Variants in TGFB1 observed in about 807,000 individuals in gnomAD.
TGFB1 encodes the protein transforming growth factor beta 1.
Under a neutral mutation model 43.8 loss-of-function variants are expected in TGFB1, and 19 were observed. That is an observed-to-expected ratio of 0.43 (90% CI 0.30 to 0.64). The LOEUF (loss-of-function observed/expected upper bound fraction) is 0.64. Ranked by LOEUF, TGFB1 falls within the 30% of genes least tolerant of loss-of-function variation. The probability of loss-of-function intolerance (pLI) is 0.11; values close to 1 mark genes in which losing one functional copy is unlikely to be tolerated. For synonymous variants in TGFB1, 221 were observed against 236.3 expected (o/e 0.94, Z 0.60); for missense variants, 445 against 529.8 (o/e 0.84, Z 1.57).
In TGFB1 at chr19:41,353,295, T is replaced by C; in HGVS notation, c.-251A>G. 1 of 485,344 alleles carries C rather than the reference T, an allele frequency of 2.1e-6. No individual in the cohort carries two copies. Among genetic ancestry groups the C allele is most frequent in the Admixed American group, 3.9e-5 (1 of 25,796 alleles). The allele number at this position is 485,344 out of a possible 1,614,324, so 30.1% of individuals were successfully genotyped here. ...AAGGTGGGTGGTCTTGAATAGGGGA[T>C]CTGTGGCAGGTCGGAGAGAGATCCG... On this transcript the variant is annotated 5_prime_UTR_variant, in exon 1 of 7. Coordinates refer to ENST00000221930, the MANE Select transcript of TGFB1 (RefSeq NM_000660.7). This position sits in a 1 kb window ranked among gnomAD's most constrained non-coding sequence, Gnocchi z 5.9.
At chr19:41,341,543 G>A (rs897743122) in intron 5 of TGFB1, among the ~76,000 whole-genome samples, 2 of 143,598 alleles carry the variant, frequency 1.4e-5, no homozygotes, top group African/African-American at 5.1e-5. Flanking sequence ...TGTTTTTTGT[G>A]GCTGGGATTA....
chr19:41,332,818 A>G (rs1034428044), intron 5 of TGFB1, among the ~76,000 whole-genome samples: 4 of 152,232 alleles, frequency 2.6e-5, no homozygotes, highest in Non-Finnish European at 5.9e-5. Flanking sequence ...GCAGTGAACT[A>G]TGATAACACC....
chr19:41,339,800 G>A (rs966153510), intron 5 of TGFB1, among the ~76,000 whole-genome samples: 5 of 152,128 alleles, frequency 3.3e-5, no homozygotes, highest in Non-Finnish European at 7.3e-5. Context: ...CTCCAGCCTG[G>A]GCAACAGAGC....
At chr19:41,342,576 G>A (rs1404329800) in intron 3 of TGFB1, among the ~76,000 whole-genome samples, 5 of 149,584 alleles carry the variant, frequency 3.3e-5, no homozygotes, top group African/African-American at 4.9e-5. Flanking sequence ...GTTCAGTGGC[G>A]TGATATCAGC....
rs576929846 is a variant in TGFB1 at position 41,343,072 on chromosome 19, C to T, written c.635-825G>A. Among the ~76,000 whole-genome samples the T allele has an allele frequency of 1.6e-4, 24 of 152,108 alleles. No individual in the cohort carries two copies. The South Asian group carries it at 4.6e-3, about 29-fold the overall frequency. On this transcript the variant is annotated intron_variant, in intron 3 of 6. Transcript: ENST00000221930. The stretch of plus-strand genomic sequence containing the variant: ...AGATGAGCTCCTTCTAGGCCTTTGT[C>T]GAACAGCCCAGGACACTCCTCCCAG...
At position 41,348,334 on chromosome 19, in the gene TGFB1, C is replaced by A. The variant is rs1173345956; in HGVS notation, c.477G>T (p.Arg159Ser). The A allele has an allele frequency of 6.2e-7, 1 of 1,613,416 alleles. No homozygotes were observed. The highest frequency in any genetic ancestry group is 8.5e-7 in the Non-Finnish European group (1 of 1,179,794). Reference sequence around the variant, plus strand: ...CGTGCTGCTCCACTTTTAACTTGAGCCTCAGCAGACGCAGCTCTGCCCGGG... The same window carrying A: ...CGTGCTGCTCCACTTTTAACTTGAGACTCAGCAGACGCAGCTCTGCCCGGG... ...LLSRAELRLL[R>S]LKLKVEQHVE... Residue 159 changes from arginine to serine, a missense_variant, in exon 2 of 7, where the codon AGG (arginine) becomes AGT (serine). Physicochemically the swap from Arg to Ser is moderately radical, Grantham distance 110. Around this residue, in one of 3 missense-constraint regions of TGFB1, gnomAD observed 366 missense variants for 428.8 expected, o/e 0.85. Transcript: ENST00000221930.
intron 5 of TGFB1, among the ~76,000 whole-genome samples, chr19:41,337,237 G>A (rs950892645): frequency 6.6e-6 from 1 of 152,154 alleles, no homozygotes; most frequent in African/African-American, 2.4e-5. Context: ...CACTTCCTGG[G>A]TTCAAGCAGT....
intron 3 of TGFB1, 139 bp from the exon 4 acceptor site, chr19:41,342,386 CTCTCTTT>C: frequency 1.2e-5 from 7 of 590,910 alleles, no homozygotes; most frequent in East Asian, 3.1e-5. Context: ...CACTGCAGCT[CTCTCTTT>C]TTTTTTTTTT....
At chr19:41,349,897 C>A (rs552847998) in intron 1 of TGFB1, among the ~76,000 whole-genome samples, 1 of 152,164 alleles carries the variant, frequency 6.6e-6, no homozygotes, top group Admixed American at 6.5e-5. Context: ...ACTGAGGCAC[C>A]GAGATTAAGT....
chr19:41,337,721 A>AT (rs1238479447), intron 5 of TGFB1, among the ~76,000 whole-genome samples: 8 of 151,910 alleles, frequency 5.3e-5, no homozygotes, highest in African/African-American at 1.9e-4. Flanking sequence ...TTACAGGTGA[A>AT]TTTTTCTTCC....
chr19:41,342,731 G>C (rs1462264617), intron 3 of TGFB1, among the ~76,000 whole-genome samples: 1 of 152,142 alleles, frequency 6.6e-6, no homozygotes, highest in East Asian at 1.9e-4. Flanking sequence ...GGCCAGGCTG[G>C]TCTCAAACTC....
intron 1 of TGFB1, among the ~76,000 whole-genome samples, 175 bp from the exon 2 acceptor site, chr19:41,348,630 T>C (rs1475529465): frequency 6.7e-6 from 1 of 149,728 alleles, no homozygotes; most frequent in African/African-American, 2.4e-5. Flanking sequence ...AATGAATTTT[T>C]TTTTTTTTTT....
chr19:41,348,353 G>T lies in TGFB1; in HGVS notation c.458C>A (p.Ala153Glu). Residue 153 changes from alanine to glutamate, a missense_variant, in exon 2 of 7, where the codon GCA (alanine) becomes GAA (glutamate). This residue lies in a region of TGFB1 where 366 missense variants were observed against 428.8 expected (regional missense o/e 0.85). Coordinates refer to ENST00000221930, the MANE Select transcript of TGFB1 (RefSeq NM_000660.7). Reference sequence around the variant, plus strand: ...CTTGAGCCTCAGCAGACGCAGCTCTGCCCGGGAGAGCAACACGGGTTCAGG... The same window carrying T: ...CTTGAGCCTCAGCAGACGCAGCTCTTCCCGGGAGAGCAACACGGGTTCAGG... ...AVPEPVLLSR[A>E]ELRLLRLKLK... The T allele has an allele frequency of 6.2e-7, 1 of 1,613,576 alleles. No individual in the cohort carries two copies. The highest frequency in any genetic ancestry group is 8.5e-7 in the Non-Finnish European group (1 of 1,179,832).
At chr19:41,347,579 G>C (rs1221905262) in intron 2 of TGFB1, among the ~76,000 whole-genome samples, 1 of 152,154 alleles carries the variant, frequency 6.6e-6, no homozygotes, top group African/African-American at 2.4e-5. Flanking sequence ...TGTAATCCCA[G>C]CACTCTGGGA....
intron 2 of TGFB1, 137 bp from the exon 3 acceptor site, chr19:41,345,001 G>C (rs2038100128): frequency 1.3e-6 from 1 of 791,772 alleles, no homozygotes; most frequent in East Asian, 2.7e-5. Flanking sequence ...CTCTCAGACA[G>C]CCACCTGTGT....
intron 2 of TGFB1, among the ~76,000 whole-genome samples, chr19:41,347,827 CAAAAAA>C (rs58257608): frequency 4.6e-5 from 3 of 65,672 alleles, no homozygotes; most frequent in Admixed American, 3.8e-4. Context: ...GACTCCATCT[CAAAAAA>C]AAAAAAAAAA....
chr19:41,332,366 A>T, intron 5 of TGFB1, 85 bp from the exon 6 acceptor site: 4 of 1,514,894 alleles, frequency 2.6e-6, no homozygotes, highest in Non-Finnish European at 3.6e-6. Flanking sequence ...TGCGTGTGTC[A>T]CCCTAGGTTG....
At chr19:41,342,348 C>G in intron 3 of TGFB1, 101 bp from the exon 4 acceptor site, 1 of 1,122,748 alleles carries the variant, frequency 8.9e-7, no homozygotes, top group Non-Finnish European at 1.3e-6. Flanking sequence ...TCCTTCCTGC[C>G]TCCCCCACCC....
At chr19:41,349,977 C>CA in intron 1 of TGFB1, among the ~76,000 whole-genome samples, 1 of 146,692 alleles carries the variant, frequency 6.8e-6, no homozygotes, top group East Asian at 2.0e-4. Context: ...AGAGACTGTG[C>CA]TTTTTTTTTT....
Sources: gnomAD v4.1 joint callset for allele counts (sites outside exome capture counted in the v4.1 genomes callset) on GRCh38, gnomAD v4.1.1 for gene constraint, gnomAD v4.1.1 regional missense constraint, Gnocchi (gnomAD v3.1) non-coding constraint, MANE v1.5 for transcripts, NCBI Gene and HGNC (gene_info 2026-07-23, HGNC 2026-07-21) for gene names.